GPR158: variants seen among roughly 807,000 people sequenced by gnomAD.
GPR158 encodes metabotropic glycine receptor.
In GPR158, 30 loss-of-function variants were observed where a neutral mutation model predicts 78.2. The ratio of observed to expected loss-of-function variants is 0.38; its 90% CI spans 0.29 to 0.52. The LOEUF is 0.52. GPR158 is among the 20% of genes least tolerant of loss of function. GPR158 has a pLI of 0.83. For missense variants in GPR158, 1,463 were observed against 1,523.5 expected (o/e 0.96, Z 0.66); for synonymous variants, 581 against 591.1 (o/e 0.98, Z 0.25).
intron 2 of GPR158, among the ~76,000 whole-genome samples, chr10:25,380,240 C>G (rs1834136131): frequency 2.0e-5 from 3 of 152,152 alleles, no homozygotes; most frequent in Admixed American, 2.0e-4. Context: ...CCTCCCTCAT[C>G]CTATACCTGT....
At chr10:25,419,138 C>G (rs933754114) in intron 4 of GPR158, among the ~76,000 whole-genome samples, 1 of 151,848 alleles carries the variant, frequency 6.6e-6, no homozygotes, top group African/African-American at 2.4e-5. Flanking sequence ...AACTCTCTAC[C>G]CATTATACAA....
At chr10:25,497,065 C>A (rs1011125950) in intron 5 of GPR158, among the ~76,000 whole-genome samples, 1 of 152,022 alleles carries the variant, frequency 6.6e-6, no homozygotes, top group Admixed American at 6.5e-5. Context: ...AAATGGTGTG[C>A]ATTAAGAGGC....
intron 2 of GPR158, among the ~76,000 whole-genome samples, chr10:25,303,155 G>T (rs1216658388): frequency 6.6e-6 from 1 of 152,184 alleles, no homozygotes; most frequent in Admixed American, 6.5e-5. Context: ...CGTGTTAATT[G>T]CTCTGCTAGT....
intron 7 of GPR158, among the ~76,000 whole-genome samples, chr10:25,577,312 A>T (rs1837115811): frequency 6.6e-6 from 1 of 152,196 alleles, no homozygotes; most frequent in Non-Finnish European, 1.5e-5. Context: ...CCTAAGAGGT[A>T]ATGTTCCCAT....
chr10:25,452,921 T>C (rs1835240936), intron 4 of GPR158, among the ~76,000 whole-genome samples: 2 of 152,194 alleles, frequency 1.3e-5, no homozygotes, highest in Admixed American at 6.5e-5. Flanking sequence ...ACCATTCTAC[T>C]CTCTGTTGCC....
intron 1 of GPR158, among the ~76,000 whole-genome samples, chr10:25,213,281 T>C (rs2130672546): frequency 6.6e-6 from 1 of 152,316 alleles, no homozygotes; most frequent in Non-Finnish European, 1.5e-5. Flanking sequence ...AAGAGTAATG[T>C]TGGTAGAGGC....
chr10:25,573,984 TCTTGA>T (rs1407830706), intron 7 of GPR158, among the ~76,000 whole-genome samples: 8 of 151,950 alleles, frequency 5.3e-5, no homozygotes, highest in Non-Finnish European at 1.2e-4. Flanking sequence ...GCGACTCTGA[TCTTGA>T]CTTTAGTCTG....
chr10:25,278,323 G>T (rs1165883128), intron 2 of GPR158, among the ~76,000 whole-genome samples: 1 of 152,106 alleles, frequency 6.6e-6, no homozygotes, highest in Non-Finnish European at 1.5e-5. Context: ...TTAGAGTCAG[G>T]TGAAGAGAGA....
chr10:25,178,116 C>T (rs1016226991), intron 1 of GPR158, among the ~76,000 whole-genome samples: 22 of 152,188 alleles, frequency 1.4e-4, no homozygotes, highest in African/African-American at 4.1e-4. Context: ...GCTTTGCATG[C>T]GTTGTCTTGA....
chr10:25,566,987 T>A (rs1836938233), intron 6 of GPR158, among the ~76,000 whole-genome samples: 2 of 152,172 alleles, frequency 1.3e-5, no homozygotes, highest in African/African-American at 4.8e-5. Context: ...CCTCATACCT[T>A]TTATCACAAA....
At chr10:25,186,220 G>T (rs1004477556) in intron 1 of GPR158, among the ~76,000 whole-genome samples, 54 of 152,316 alleles carry the variant, frequency 3.5e-4, no homozygotes, top group African/African-American at 1.3e-3. Flanking sequence ...CACATTTAAA[G>T]CGGTGTGTAG....
At chr10:25,212,773 A>C (rs1853151945) in intron 1 of GPR158, among the ~76,000 whole-genome samples, 1 of 151,618 alleles carries the variant, frequency 6.6e-6, no homozygotes, top group Non-Finnish European at 1.5e-5. Flanking sequence ...CTGGGAGTAC[A>C]GGCGCCCGCC....
intron 2 of GPR158, among the ~76,000 whole-genome samples, chr10:25,252,092 C>A (rs1026578497): frequency 6.6e-6 from 1 of 152,148 alleles, no homozygotes; most frequent in African/African-American, 2.4e-5. Context: ...ACCCTTTCTT[C>A]CAGTTGATCG....
At chr10:25,245,209 G>T (rs948928087) in intron 2 of GPR158, among the ~76,000 whole-genome samples, 4 of 152,220 alleles carry the variant, frequency 2.6e-5, no homozygotes, top group Non-Finnish European at 4.4e-5. Flanking sequence ...TAAAGGAGGA[G>T]CCCAACAGGG....
intron 1 of GPR158, among the ~76,000 whole-genome samples, chr10:25,191,942 TA>T (rs748592075): frequency 2.0e-5 from 3 of 152,216 alleles, no homozygotes; most frequent in Non-Finnish European, 4.4e-5. Flanking sequence ...TCTGTCTCTT[TA>T]TGTAAACATC....
intron 2 of GPR158, among the ~76,000 whole-genome samples, chr10:25,241,364 T>TC (rs1564399773): frequency 9.7e-6 from 1 of 102,884 alleles, no homozygotes; most frequent in African/African-American, 4.5e-5. Context: ...TCTTTTCTCT[T>TC]TTCTTTTCTC....
At chr10:25,336,295 A>G (rs946634698) in intron 2 of GPR158, among the ~76,000 whole-genome samples, 2 of 152,080 alleles carry the variant, frequency 1.3e-5, no homozygotes, top group African/African-American at 4.8e-5. Context: ...AGAAAAAAAG[A>G]CTTGAAAAAT....
intron 5 of GPR158, among the ~76,000 whole-genome samples, chr10:25,544,370 TAAA>T (rs1183007717): frequency 1.3e-5 from 2 of 152,206 alleles, no homozygotes; most frequent in Non-Finnish European, 2.9e-5. Flanking sequence ...GGTTCTTGTT[TAAA>T]AATTATTTTG....
chr10:25,534,543 C>A (rs1762192388), intron 5 of GPR158, among the ~76,000 whole-genome samples: 1 of 151,116 alleles, frequency 6.6e-6, no homozygotes, highest in Admixed American at 6.6e-5. Context: ...GAGTTTGAGA[C>A]CATCCTGGCT....
Sources: gnomAD v4.1 joint callset for allele counts (sites outside exome capture counted in the v4.1 genomes callset) on GRCh38, gnomAD v4.1.1 for gene constraint, MANE v1.5 for transcripts, NCBI Gene and HGNC (gene_info 2026-07-23, HGNC 2026-07-21) for gene names.